The following CNBD1 variants were observed in gnomAD, a reference collection of about 807,000 sequenced individuals.
The protein encoded by CNBD1 is cyclic nucleotide-binding domain-containing protein 1.
A neutral mutation model predicts 54.4 loss-of-function variants in CNBD1; 71 were observed. The ratio of observed to expected loss-of-function variants is 1.30; its 90% CI spans 1.08 to 1.59. CNBD1 has a LOEUF of 1.59. Among genes scored for constraint, CNBD1 ranks in the 40% most tolerant of loss-of-function variants. CNBD1 has a pLI of 0.00. For missense variants in CNBD1, 659 were observed against 518.0 expected (o/e 1.27, Z -2.64); for synonymous variants, 182 against 170.7 (o/e 1.07, Z -0.51).
intron 3 of CNBD1, among the ~76,000 whole-genome samples, chr8:86,928,676 G>T (rs530717313): frequency 3.3e-5 from 5 of 152,338 alleles, no homozygotes; most frequent in African/African-American, 1.2e-4. Context: ...TATGGGTGAA[G>T]TCTCACTGCC....
At chr8:86,878,080 C>CTGTG (rs145093111) in intron 1 of CNBD1, among the ~76,000 whole-genome samples, 14,591 of 135,716 alleles carry the variant, frequency 0.11, 1,552 homozygotes, top group African/African-American at 0.28. Context: ...TTCATCAAAG[C>CTGTG]TGTGTGTGTG....
chr8:87,285,639 G>A (rs1013022106), intron 7 of CNBD1, among the ~76,000 whole-genome samples: 1 of 152,110 alleles, frequency 6.6e-6, no homozygotes, highest in Non-Finnish European at 1.5e-5. Context: ...AGGAGACCAA[G>A]GCAGGCAGAT....
intron 4 of CNBD1, among the ~76,000 whole-genome samples, chr8:87,008,367 G>C (rs2130556282): frequency 6.6e-6 from 1 of 152,264 alleles, no homozygotes; most frequent in South Asian, 2.1e-4. Flanking sequence ...ATGGGAATCT[G>C]GAAGTGAATA....
At chr8:86,870,383 G>A (rs1488971595) in intron 1 of CNBD1, among the ~76,000 whole-genome samples, 2 of 151,500 alleles carry the variant, frequency 1.3e-5, no homozygotes, top group African/African-American at 4.9e-5. Context: ...TTTTTTAGTA[G>A]AGACGGGCTT....
chr8:87,203,833 G>A (rs997595218), intron 4 of CNBD1, among the ~76,000 whole-genome samples: 1 of 152,096 alleles, frequency 6.6e-6, no homozygotes, highest in African/African-American at 2.4e-5. Context: ...GCCAGGAATA[G>A]GCTATTACAA....
intron 4 of CNBD1, among the ~76,000 whole-genome samples, chr8:87,149,597 A>T (rs888272847): frequency 7.9e-5 from 12 of 152,110 alleles, no homozygotes; most frequent in African/African-American, 2.9e-4. Flanking sequence ...ACATGTTTAA[A>T]TTTCAGGTAT....
At chr8:87,388,202 G>A (rs1428707644) in intron 2 of CNBD1, among the ~76,000 whole-genome samples, 1 of 152,070 alleles carries the variant, frequency 6.6e-6, no homozygotes, top group Non-Finnish European at 1.5e-5. Flanking sequence ...AACTAGAGAA[G>A]CAAGAGAAAA....
At chr8:87,353,268 T>C (rs1375371750) in intron 9 of CNBD1, among the ~76,000 whole-genome samples, 4 of 152,188 alleles carry the variant, frequency 2.6e-5, no homozygotes, top group Non-Finnish European at 5.9e-5. Flanking sequence ...AAGAGTGCCT[T>C]GTGACTAGGG....
intron 10 of CNBD1, among the ~76,000 whole-genome samples, chr8:87,379,615 A>T (rs939002132): frequency 6.6e-6 from 1 of 152,022 alleles, no homozygotes; most frequent in Non-Finnish European, 1.5e-5. Context: ...TGAAGAAATA[A>T]AAGGGAAAAC....
intron 8 of CNBD1, among the ~76,000 whole-genome samples, chr8:87,346,986 A>G (rs758712867): frequency 6.6e-6 from 1 of 152,060 alleles, no homozygotes. Flanking sequence ...AGAGAGGAAA[A>G]TATCTCCAGG....
chr8:86,879,778 A>G (rs1021277184), intron 1 of CNBD1, among the ~76,000 whole-genome samples: 41 of 152,130 alleles, frequency 2.7e-4, no homozygotes, highest in African/African-American at 9.9e-4. Context: ...AGACTGAGGC[A>G]GGAGAATGAC....
chr8:86,905,966 A>AC (rs1299012083), intron 3 of CNBD1, among the ~76,000 whole-genome samples: 1 of 152,104 alleles, frequency 6.6e-6, no homozygotes, highest in Non-Finnish European at 1.5e-5. Context: ...ATCCTTGGCT[A>AC]CCCCACTGCC....
intron 4 of CNBD1, among the ~76,000 whole-genome samples, chr8:86,998,826 T>C (rs1157680948): frequency 2.6e-5 from 4 of 152,314 alleles, no homozygotes; most frequent in Admixed American, 2.0e-4. Flanking sequence ...TGCCCTTCCA[T>C]CCACATTTTA....
At chr8:87,046,645 A>AT (rs1215339842) in intron 4 of CNBD1, among the ~76,000 whole-genome samples, 2 of 152,188 alleles carry the variant, frequency 1.3e-5, no homozygotes, top group African/African-American at 4.8e-5. Flanking sequence ...CATCCGCTTC[A>AT]TAAAGAGGTT....
chr8:87,313,814 A>G (rs1586004635), intron 8 of CNBD1, among the ~76,000 whole-genome samples: 1 of 151,828 alleles, frequency 6.6e-6, no homozygotes, highest in African/African-American at 2.4e-5. Context: ...CATTTTACCT[A>G]CTCTTTTTAC....
chr8:87,422,427 A>C (rs1213557060), intron 2 of CNBD1, among the ~76,000 whole-genome samples: 5 of 149,602 alleles, frequency 3.3e-5, no homozygotes, highest in African/African-American at 1.3e-4. Flanking sequence ...TAAGTCTTTA[A>C]TCCATCTTGA....
chr8:86,970,447 G>A (rs981660552), intron 4 of CNBD1, among the ~76,000 whole-genome samples: 7 of 151,784 alleles, frequency 4.6e-5, no homozygotes, highest in African/African-American at 7.3e-5. Context: ...TCTCATTCAC[G>A]GAGTTCTTTT....
chr8:86,956,406 A>G (rs912941355), intron 4 of CNBD1, among the ~76,000 whole-genome samples: 5 of 152,156 alleles, frequency 3.3e-5, no homozygotes, highest in Admixed American at 1.3e-4. Flanking sequence ...CATTGAATCT[A>G]TAAATTACCT....
chr8:86,930,481 G>A (rs1330955655), intron 3 of CNBD1, among the ~76,000 whole-genome samples: 1 of 152,160 alleles, frequency 6.6e-6, no homozygotes, highest in Non-Finnish European at 1.5e-5. Context: ...CCAAACAGAT[G>A]AGGGCTATCC....
Sources: allele counts gnomAD v4.1 joint callset (sites outside exome capture counted in the v4.1 genomes callset), GRCh38; gene constraint gnomAD v4.1.1; transcripts MANE v1.5; gene names NCBI Gene and HGNC (gene_info 2026-07-23, HGNC 2026-07-21).